Variants in PCDH15 observed in about 807,000 individuals in gnomAD.
PCDH15 encodes the protein protocadherin-15.
In PCDH15, 129 loss-of-function variants were observed where a neutral mutation model predicts 178.5. The ratio of observed to expected loss-of-function variants is 0.72; its 90% CI spans 0.63 to 0.84. The LOEUF (loss-of-function observed/expected upper bound fraction) is 0.84, where lower values mean the gene tolerates loss of function less well. PCDH15 is among the 40% of genes least tolerant of loss of function. The pLI, the probability that PCDH15 is intolerant of heterozygous loss-of-function variation, is 0.00. For synonymous variants in PCDH15, 800 were observed against 732.0 expected (o/e 1.09, Z -1.50); for missense variants, 2,230 against 2,099.9 (o/e 1.06, Z -1.21).
chr10:54,239,586 T>G (rs1357339286), intron 8 of PCDH15, among the ~76,000 whole-genome samples: 2 of 151,996 alleles, frequency 1.3e-5, no homozygotes, highest in Non-Finnish European at 1.5e-5. Context: ...CATTTGGTAC[T>G]GTGTGACTAT....
chr10:54,707,913 C>A (rs2095382665), intron 1 of PCDH15, among the ~76,000 whole-genome samples: 1 of 152,134 alleles, frequency 6.6e-6, no homozygotes, highest in African/African-American at 2.4e-5. Context: ...GACTGCTTAG[C>A]CCCAATCACT....
intron 3 of PCDH15, among the ~76,000 whole-genome samples, chr10:54,873,157 T>A (rs1291719885): frequency 6.6e-6 from 1 of 152,118 alleles, no homozygotes; most frequent in Non-Finnish European, 1.5e-5. Flanking sequence ...ATTGATACAC[T>A]TTCTAAAAAG....
intron 1 of PCDH15, among the ~76,000 whole-genome samples, chr10:54,667,695 A>G (rs1291177046): frequency 6.6e-6 from 1 of 152,068 alleles, no homozygotes; most frequent in Non-Finnish European, 1.5e-5. Context: ...CCCCGAGTAT[A>G]TATTTTTCCT....
intron 2 of PCDH15, among the ~76,000 whole-genome samples, chr10:55,467,373 C>A (rs1405887584): frequency 3.4e-5 from 3 of 87,770 alleles, no homozygotes; most frequent in African/African-American, 1.1e-4. Flanking sequence ...CTTGGCCTGA[C>A]TTTTTTTTTT....
At chr10:54,474,133 T>G (rs1300231595) in intron 3 of PCDH15, among the ~76,000 whole-genome samples, 2 of 152,134 alleles carry the variant, frequency 1.3e-5, no homozygotes, top group Middle Eastern at 3.5e-3. Context: ...ATGAATATGC[T>G]ATTTTTCTTG....
intron 2 of PCDH15, among the ~76,000 whole-genome samples, chr10:55,127,241 C>T (rs1163780748): frequency 6.6e-6 from 1 of 152,042 alleles, no homozygotes; most frequent in Non-Finnish European, 1.5e-5. Flanking sequence ...GAATCTCTGG[C>T]CAATTATTTA....
chr10:55,559,992 C>A (rs1842164335), intron 2 of PCDH15, among the ~76,000 whole-genome samples: 1 of 152,012 alleles, frequency 6.6e-6, no homozygotes, highest in Admixed American at 6.6e-5. Flanking sequence ...TAGACTCATA[C>A]AACACTGTAG....
At chr10:54,918,124 C>G (rs1282435493) in intron 2 of PCDH15, among the ~76,000 whole-genome samples, 2 of 151,104 alleles carry the variant, frequency 1.3e-5, no homozygotes, top group African/African-American at 2.4e-5. Flanking sequence ...TTTTTTCTTG[C>G]TTTTCTAGCT....
intron 15 of PCDH15, among the ~76,000 whole-genome samples, chr10:54,126,711 G>A (rs2042021407): frequency 2.0e-5 from 3 of 151,306 alleles, no homozygotes; most frequent in Non-Finnish European, 4.4e-5. Flanking sequence ...TGGACACTTT[G>A]TTTATTTTTG....
intron 26 of PCDH15, among the ~76,000 whole-genome samples, chr10:53,877,603 C>T (rs2080339570): frequency 6.6e-6 from 1 of 152,168 alleles, no homozygotes; most frequent in Admixed American, 6.6e-5. Flanking sequence ...TTCAATCAGT[C>T]CAAACCAAAT....
intron 1 of PCDH15, among the ~76,000 whole-genome samples, chr10:54,762,347 T>C (rs1947987764): frequency 6.6e-6 from 1 of 152,132 alleles, no homozygotes; most frequent in African/African-American, 2.4e-5. Flanking sequence ...CTAGGCTGGG[T>C]TGAATATGTT....
chr10:54,752,491 A>C (rs201608203), intron 1 of PCDH15, among the ~76,000 whole-genome samples: 1 of 92,948 alleles, frequency 1.1e-5, no homozygotes, highest in Non-Finnish European at 2.4e-5. Flanking sequence ...AAAAAAAAAA[A>C]CAAAAAACAA....
At chr10:54,502,011 T>A (rs1477721571) in intron 3 of PCDH15, among the ~76,000 whole-genome samples, 1 of 151,992 alleles carries the variant, frequency 6.6e-6, no homozygotes, top group Admixed American at 6.6e-5. Context: ...CCTTCTTTTC[T>A]CCTGTTTTTC....
chr10:55,350,258 TATATATATATACACACAC>T (rs1226664229), intron 2 of PCDH15, among the ~76,000 whole-genome samples: 195 of 69,084 alleles, frequency 2.8e-3, no homozygotes, highest in African/African-American at 0.012. Flanking sequence ...TATATATATA[TATATATATATACACACAC>T]ACACACACAC....
At chr10:54,986,582 G>A (rs1287406898) in intron 2 of PCDH15, among the ~76,000 whole-genome samples, 1 of 152,128 alleles carries the variant, frequency 6.6e-6, no homozygotes, top group Non-Finnish European at 1.5e-5. Flanking sequence ...ATGAATCAGT[G>A]CTATGATTAT....
At chr10:54,805,386 T>C (rs956779803), upstream of PCDH15, among the ~76,000 whole-genome samples, 1 of 152,144 alleles carries the variant, frequency 6.6e-6, no homozygotes. Flanking sequence ...AGACGACTTA[T>C]TGTCAGCAGT....
intron 1 of PCDH15, among the ~76,000 whole-genome samples, chr10:54,783,363 G>A (rs1950550247): frequency 6.6e-6 from 1 of 151,976 alleles, no homozygotes; most frequent in African/African-American, 2.4e-5. Context: ...TAACCATAAA[G>A]TAGGAATTTT....
chr10:55,541,044 G>C (rs1448193128), intron 2 of PCDH15, among the ~76,000 whole-genome samples: 1 of 151,928 alleles, frequency 6.6e-6, no homozygotes, highest in Non-Finnish European at 1.5e-5. Flanking sequence ...CATAGGATTC[G>C]GCACAGGACC....
At chr10:55,319,810 G>C (rs976703984), upstream of PCDH15, among the ~76,000 whole-genome samples, 24 of 152,096 alleles carry the variant, frequency 1.6e-4, no homozygotes, top group African/African-American at 4.8e-4. Context: ...ACTCCAGATG[G>C]TGCAGAGTCC....
Sources: allele counts gnomAD v4.1 joint callset (sites outside exome capture counted in the v4.1 genomes callset), GRCh38; gene constraint gnomAD v4.1.1; transcripts MANE v1.5; gene names NCBI Gene and HGNC (gene_info 2026-07-23, HGNC 2026-07-21).